Variants in LTBR observed in about 807,000 individuals in gnomAD.
The protein encoded by LTBR is tumor necrosis factor receptor superfamily member 3.
Under a neutral mutation model 45.4 loss-of-function variants are expected in LTBR, and 15 were observed. The ratio of observed to expected loss-of-function variants is 0.33; its 90% CI spans 0.22 to 0.51. The LOEUF is 0.51. Ranked by LOEUF, LTBR falls within the 20% of genes least tolerant of loss-of-function variation. The pLI is 0.97. For missense variants in LTBR, 450 were observed against 565.5 expected, an observed-to-expected ratio of 0.80 and a Z score of 2.07; for synonymous variants, 228 against 231.0, an observed-to-expected ratio of 0.99 and a Z score of 0.12.
Position 6,377,758 on chromosome 12 carries a change from T to G in LTBR, c.39+2164T>G, listed in dbSNP as rs1037337511. On this transcript the variant is annotated intron_variant, in intron 1 of 9. Coordinates refer to the LTBR transcript ENST00000539925. ...AAAGCACCTCCCTGCCTTTTCTATT[T>G]GCCAGCTCATGCCTGAAATCCAACC... The G allele has an allele frequency of 2.6e-5, 23 of 898,696 alleles. No individual in the cohort carries two copies. In the African/African-American group the frequency reaches 3.6e-4, roughly 14 times the overall value. 55.7% of individuals were successfully genotyped at this position (898,696 alleles called of 1,614,324 possible).
In LTBR at chr12:6,385,219, C is replaced by T; in HGVS notation, c.320-8C>T. 6.2e-7 allele frequency: 1 copy of T among 1,614,130 alleles called. No homozygotes were observed. The highest frequency in any genetic ancestry group is 8.5e-7 in the Non-Finnish European group (1 of 1,180,032). On this transcript the variant is annotated splice_polypyrimidine_tract_variant and splice_region_variant and intron_variant, in intron 3 of 9. Coordinates refer to ENST00000228918, the MANE Select transcript of LTBR (RefSeq NM_002342.3). The stretch of plus-strand genomic sequence containing the variant: ...GCCCCTCCCTGAGCCCTCCCGTCTC[C>T]CCGCCAGTGATGGGCCTCGAGGAGA...
chr12:6,375,876 C>T (rs940867377), intron 1 of LTBR: 2 of 1,279,492 alleles, frequency 1.6e-6, no homozygotes, highest in Non-Finnish European at 2.0e-6. Context: ...ACCGGGAGGA[C>T]AGGAGGGCAG....
chr12:6,375,540 C>T lies in LTBR; in HGVS notation c.-16C>T, dbSNP rs1034990566. 7.8e-6 allele frequency: 12 copies of T among 1,534,760 alleles called. No individual in the cohort carries two copies. The African/African-American group carries it at 8.2e-5, about 11-fold the overall frequency. On this transcript the variant is annotated 5_prime_UTR_variant, in exon 1 of 10. Coordinates refer to the LTBR transcript ENST00000539925. Reference sequence around the variant, plus strand: ...CAGCGGCCTGGCTGGGGAGCCCGCCCGCTGGCCGGCCAGGGATGGAAGCGA... The same window carrying T: ...CAGCGGCCTGGCTGGGGAGCCCGCCTGCTGGCCGGCCAGGGATGGAAGCGA...
chr12:6,377,463 C>A, intron 1 of LTBR: 1 of 657,650 alleles, frequency 1.5e-6, no homozygotes. Context: ...GAGACAGACT[C>A]ATGGGGGATC....
Position 6,390,689 on chromosome 12 carries a change from T to A in LTBR, c.1060T>A (p.Ser354Thr). 1 of 1,495,108 alleles carries A rather than the reference T, an allele frequency of 6.7e-7. No homozygotes were observed. The highest frequency in any genetic ancestry group is 2.3e-5 in the Admixed American group (1 of 42,824). 92.6% of individuals were successfully genotyped at this position (1,495,108 alleles called of 1,614,324 possible). ...CAATGGCATTCATGTCACCGGCGGGTCTATGACTATCACTGGCAACATCTA... is the reference window on the plus strand; with the variant it reads ...CAATGGCATTCATGTCACCGGCGGGACTATGACTATCACTGGCAACATCTA... ...GTNGIHVTGG[S>T]MTITGNIYIY... The change falls in exon 10 of 10, where the codon TCT (serine) becomes ACT (threonine). Residue 354 changes from serine (S) to threonine (T), a missense_variant. This residue lies in a region of LTBR where 12 missense variants were observed against 39.7 expected (regional missense o/e 0.30). Coordinates refer to ENST00000228918, the MANE Select transcript of LTBR (RefSeq NM_002342.3).
At position 6,384,219 on chromosome 12, in the gene LTBR, G is replaced by T; in HGVS notation, c.-140G>T. 3 of 1,318,036 alleles carry T rather than the reference G, an allele frequency of 2.3e-6. No homozygotes were observed. 81.6% of individuals were successfully genotyped at this position (1,318,036 alleles called of 1,614,324 possible). ...CTGGAGGCCCGGCCTGGCCGCTCCC[G>T]GCCCTGGGGTGCACATCGGCCCTGA... On this transcript the variant is annotated 5_prime_UTR_variant, in exon 1 of 10. Transcript: ENST00000228918.
chr12:6,386,327 C>G lies in LTBR; in HGVS notation c.570-20C>G. On this transcript the variant is annotated intron_variant, in intron 5 of 9. Transcript: ENST00000228918. This position sits in a 1 kb window ranked among gnomAD's most constrained non-coding sequence, Gnocchi z 4.1. ...GTGGGCCAGGGCGTGAAAAGGTCATCATCTTTTTTTCCTCTGCAGGTGTGA... is the reference window on the plus strand; with the variant it reads ...GTGGGCCAGGGCGTGAAAAGGTCATGATCTTTTTTTCCTCTGCAGGTGTGA... The G allele has an allele frequency of 1.2e-6, 2 of 1,605,248 alleles. No individual in the cohort carries two copies. Among genetic ancestry groups the G allele is most frequent in the South Asian group, 2.2e-5 (2 of 90,796 alleles).
rs1949080077 is a variant in LTBR at position 6,388,952 on chromosome 12, G to A, written c.801+127G>A. 1 of 1,202,712 alleles carries A rather than the reference G, an allele frequency of 8.3e-7. No homozygotes were observed. The highest frequency in any genetic ancestry group is 1.2e-6 in the Non-Finnish European group (1 of 824,216). 74.5% of individuals were successfully genotyped at this position (1,202,712 alleles called of 1,614,324 possible). A position where few individuals can be genotyped will look rare whatever the true frequency, so the allele number is the denominator to read the frequency against. On this transcript the variant is annotated intron_variant, in intron 8 of 9. Coordinates refer to ENST00000228918, the MANE Select transcript of LTBR (RefSeq NM_002342.3). This position sits in a 1 kb window ranked among gnomAD's most constrained non-coding sequence, Gnocchi z 4.3. ...TCATTCATTCAACTGATGATTTACT[G>A]AACATGCCACGTACCAGGCACTGTC...
chr12:6,384,578 C>A lies in LTBR; in HGVS notation c.97-10C>A. On this transcript the variant is annotated splice_polypyrimidine_tract_variant and intron_variant, in intron 1 of 9. Transcript: ENST00000228918. ...AATTCTTCTCTCCTCTTCTCCATCTCCCTTTGAAGGTGCCTCCATATGCGT... is the reference window on the plus strand; with the variant it reads ...AATTCTTCTCTCCTCTTCTCCATCTACCTTTGAAGGTGCCTCCATATGCGT... The A allele has an allele frequency of 6.2e-7, 1 of 1,613,338 alleles. No individual in the cohort carries two copies. Among genetic ancestry groups the A allele is most frequent in the Non-Finnish European group, 8.5e-7 (1 of 1,179,218 alleles).
intron 1 of LTBR, chr12:6,375,849 G>A (rs1948897514): frequency 1.5e-6 from 2 of 1,333,434 alleles, no homozygotes; most frequent in Middle Eastern, 2.7e-4. Context: ...GCCAGGCTGA[G>A]AGGGCCTGGG....
In LTBR at chr12:6,390,266, C is replaced by A. The variant is rs550280761; in HGVS notation, c.956C>A (p.Pro319Gln). ...PAAPVLEAGV[P>Q]QQQSPLDLTR... ...GCCCCAGTTTTGGAGGCAGGGGTGC[C>A]GCAACAGCAGAGTCCTCTGGACCTG... The change falls in exon 9 of 10, where the codon CCG becomes CAG. Residue 319 changes from proline to glutamine, a missense_variant. Physicochemically the swap from Pro to Gln is moderately conservative, Grantham distance 76. Coordinates refer to ENST00000228918, the MANE Select transcript of LTBR (RefSeq NM_002342.3). 85 of 1,613,936 alleles carry A rather than the reference C, an allele frequency of 5.3e-5. No homozygotes were observed. The East Asian group carries it at 1.8e-3, about 33-fold the overall frequency.
chr12:6,382,953 G>T (rs192531497), upstream of LTBR, among the ~76,000 whole-genome samples: 1 of 152,212 alleles, frequency 6.6e-6, no homozygotes, highest in Non-Finnish European at 1.5e-5. Flanking sequence ...CTGGCTCTGC[G>T]GTGGACTGGC....
chr12:6,380,918 C>G (rs1035392177), upstream of LTBR, among the ~76,000 whole-genome samples: 6 of 152,084 alleles, frequency 3.9e-5, no homozygotes, highest in African/African-American at 4.8e-5. Context: ...GTGAAAAACA[C>G]AAAAGGACAG....
chr12:6,377,115 CA>C, intron 1 of LTBR: 3 of 641,598 alleles, frequency 4.7e-6, no homozygotes, highest in Middle Eastern at 3.4e-4. Context: ...GTTTAGCAGG[CA>C]AAGAAGAGAA....
At position 6,386,094 on chromosome 12, in the gene LTBR, C is replaced by T. The variant is rs199745608; in HGVS notation, c.501C>T (p.Cys167=). Residue 167 remains cysteine (C), a synonymous_variant, in exon 5 of 10, where the codon TGC becomes TGT. Coordinates refer to ENST00000228918, the MANE Select transcript of LTBR (RefSeq NM_002342.3). This position sits in a 1 kb window ranked among gnomAD's most constrained non-coding sequence, Gnocchi z 4.1. ...KDEVGKGNNH[C]VPCKAGHFQN... ...AAGTTGGGAAGGGTAACAACCACTGCGTCCCCTGCAAGGCCGGGCACTTCC... is the reference window on the plus strand; with the variant it reads ...AAGTTGGGAAGGGTAACAACCACTGTGTCCCCTGCAAGGCCGGGCACTTCC... 53 of 1,613,810 alleles carry T rather than the reference C, an allele frequency of 3.3e-5. No homozygotes were observed. Among genetic ancestry groups the T allele is most frequent in the Non-Finnish European group, 4.3e-5 (51 of 1,179,816 alleles).
Position 6,386,125 on chromosome 12 carries a change from A to G in LTBR, c.532A>G (p.Thr178Ala), listed in dbSNP as rs774142393. 3 of 1,613,420 alleles carry G rather than the reference A, an allele frequency of 1.9e-6. No homozygotes were observed. The South Asian group carries it at 3.3e-5, about 18-fold the overall frequency. ...CTGCAAGGCCGGGCACTTCCAGAAT[A>G]CCTCCTCCCCCAGCGCCCGCTGCCA... ...VPCKAGHFQN[T>A]SSPSARCQPH... The change falls in exon 5 of 10, where the codon ACC (threonine) becomes GCC (alanine). Residue 178 changes from threonine to alanine, a missense_variant. By Grantham distance (58) the Thr-to-Ala change is moderately conservative. This residue lies in a region of LTBR where 367 missense variants were observed against 435.4 expected (regional missense o/e 0.84). Transcript: ENST00000228918. The surrounding 1 kb of genome is among the most constrained non-coding windows in gnomAD (Gnocchi z 4.1).
chr12:6,388,574 G>C lies in LTBR; in HGVS notation c.775+69G>C, dbSNP rs182511785. The C allele has an allele frequency of 6.6e-6, 9 of 1,363,366 alleles. No homozygotes were observed. The East Asian group carries it at 2.1e-4, about 31-fold the overall frequency. 84.5% of individuals were successfully genotyped at this position (1,363,366 alleles called of 1,614,324 possible). A position where few individuals can be genotyped will look rare whatever the true frequency, so the allele number is the denominator to read the frequency against. ...GGAGGGAGGAATATTCAACTTCCCCGGTGCAACCCTCCACACCCTCAAGAC... is the reference window on the plus strand; with the variant it reads ...GGAGGGAGGAATATTCAACTTCCCCCGTGCAACCCTCCACACCCTCAAGAC... On this transcript the variant is annotated intron_variant, in intron 7 of 9. Coordinates refer to ENST00000228918, the MANE Select transcript of LTBR (RefSeq NM_002342.3). The surrounding 1 kb of genome is among the most constrained non-coding windows in gnomAD (Gnocchi z 4.3).
At chr12:6,390,551 A>G (rs1432340049) in intron 9 of LTBR, 109 bp from the exon 10 acceptor site, 12 of 1,186,204 alleles carry the variant, frequency 1.0e-5, no homozygotes, top group South Asian at 1.6e-5. Context: ...AGCAGCAAGC[A>G]GGAGAGGGGC....
intron 1 of LTBR, chr12:6,377,673 C>T (rs2136920414): frequency 7.7e-7 from 1 of 1,300,800 alleles, no homozygotes; most frequent in Non-Finnish European, 1.0e-6. Context: ...TTACATTGGG[C>T]ATGGTCCTCC....
Sources: allele counts gnomAD v4.1 joint callset (sites outside exome capture counted in the v4.1 genomes callset), GRCh38; gene constraint gnomAD v4.1.1; regional missense constraint gnomAD v4.1.1; non-coding constraint Gnocchi (gnomAD v3.1); transcripts MANE v1.5; gene names NCBI Gene and HGNC (gene_info 2026-07-23, HGNC 2026-07-21).